The following FOCAD variants were observed in gnomAD, a reference collection of about 807,000 sequenced individuals.
FOCAD encodes focadhesin.
Under a neutral mutation model 225.6 loss-of-function variants are expected in FOCAD, and 198 were observed. The observed-to-expected ratio is 0.88, with a 90% CI of 0.78 to 0.99. FOCAD has a LOEUF of 0.99. FOCAD is among the 50% of genes least tolerant of loss of function. The pLI is 0.00. For synonymous variants in FOCAD, 897 were observed against 755.0 expected, an observed-to-expected ratio of 1.19 and a Z score of -3.08; for missense variants, 2,713 against 2,123.6, an observed-to-expected ratio of 1.28 and a Z score of -5.46.
At position 20,944,715 on chromosome 9, in the gene FOCAD, C is replaced by A; in HGVS notation, c.3496C>A (p.Leu1166Ile). ...MQSRVHVAAL[L>I]RKLSAHVDDS... Reference sequence around the variant, plus strand: ...GTCCCGCGTTCACGTAGCAGCATTGCTCCGGAAGCTGTCTGCGCACGTAGA... The same window carrying A: ...GTCCCGCGTTCACGTAGCAGCATTGATCCGGAAGCTGTCTGCGCACGTAGA... The change falls in exon 29 of 44, where the codon CTC becomes ATC. Residue 1166 changes from leucine to isoleucine, a missense_variant. Transcript: ENST00000338382. 6.2e-7 allele frequency: 1 copy of A among 1,614,066 alleles called. No individual in the cohort carries two copies. Among genetic ancestry groups the A allele is most frequent in the Non-Finnish European group, 8.5e-7 (1 of 1,179,970 alleles).
intron 11 of FOCAD, among the ~76,000 whole-genome samples, chr9:20,812,092 G>A (rs1038872069): frequency 2.0e-5 from 3 of 152,042 alleles, no homozygotes; most frequent in Admixed American, 1.3e-4. Flanking sequence ...CTAAGGCTAT[G>A]AGTAAAATGT....
At chr9:20,851,880 T>A (rs1827694312) in intron 15 of FOCAD, among the ~76,000 whole-genome samples, 1 of 151,838 alleles carries the variant, frequency 6.6e-6, no homozygotes, top group Admixed American at 6.6e-5. Context: ...ACAACCATGC[T>A]CATTTGTTTA....
rs549508345 is a variant in FOCAD, at chr9:20,936,645, G to A, written c.3407+3542G>A. Among the ~76,000 whole-genome samples the A allele has an allele frequency of 3.4e-3, 519 of 152,216 alleles. 3 individuals are homozygous for A. The highest frequency in any genetic ancestry group is 0.012 in the African/African-American group (496 of 41,522). On this transcript the variant is annotated intron_variant, in intron 28 of 43. Transcript: ENST00000338382. ...AGATCGAGACTGTCCTGGTTAACAC[G>A]GTGAAACCCTGTCTCTACTAAAAAT... is the stretch of plus-strand genomic sequence containing the variant.
chr9:20,948,748 G>T, intron 31 of FOCAD, 103 bp from the exon 32 acceptor site: 1 of 1,245,010 alleles, frequency 8.0e-7, no homozygotes, highest in Non-Finnish European at 1.2e-6. Flanking sequence ...CTATAAGTTT[G>T]GTACCAATTC....
In FOCAD at chr9:20,692,209, CT is replaced by C. The variant is rs533872955; in HGVS notation, c.-33+7922del. 1.8e-3 allele frequency among the ~76,000 whole-genome samples: 270 copies of C among 152,134 alleles called. 1 individual carries two copies. The highest frequency in any genetic ancestry group is 5.0e-3 in the African/African-American group (206 of 41,500). Reference sequence around the variant, plus strand: ...ATTTCAAACTAAACTCTGAAATTTCCTTTTTTACCTATAATCTTTCCTATTT... The same window carrying C: ...ATTTCAAACTAAACTCTGAAATTTCCTTTTTACCTATAATCTTTCCTATTT... On this transcript the variant is annotated intron_variant, in intron 1 of 43. Transcript: ENST00000338382.
chr9:20,931,325 C>T (rs1343042167), intron 27 of FOCAD, among the ~76,000 whole-genome samples: 3 of 152,102 alleles, frequency 2.0e-5, no homozygotes, highest in South Asian at 2.1e-4. Context: ...TTTGCCCTAA[C>T]GTTCCTGTGT....
chr9:20,813,002 T>G (rs1363437249), intron 11 of FOCAD, among the ~76,000 whole-genome samples: 2 of 152,078 alleles, frequency 1.3e-5, no homozygotes, highest in African/African-American at 4.8e-5. Context: ...AACTCTATAC[T>G]CATTGAACAG....
intron 1 of FOCAD, among the ~76,000 whole-genome samples, chr9:20,701,090 T>C (rs1823905375): frequency 6.6e-6 from 1 of 152,190 alleles, no homozygotes; most frequent in South Asian, 2.1e-4. Context: ...CTCTCAGAGC[T>C]GGAAGGGACA....
In FOCAD at chr9:20,789,477, C is replaced by G; in HGVS notation, c.1324C>G (p.Leu442Val). 6.2e-7 allele frequency: 1 copy of G among 1,613,970 alleles called. No homozygotes were observed. Among genetic ancestry groups the G allele is most frequent in the Non-Finnish European group, 8.5e-7 (1 of 1,179,980 alleles). ...CTGGTTGGCTTCAGTAGAGTCATTG[C>G]TTCCTATTACTGCTGTGATCCCTGC... ...SDWLASVESL[L>V]PITAVIPAPA... Residue 442 changes from leucine to valine, a missense_variant, in exon 11 of 44, where the codon CTT (leucine) becomes GTT (valine). Coordinates refer to ENST00000338382, the MANE Select transcript of FOCAD (RefSeq NM_001375567.1).
At chr9:20,904,795 A>C (rs1360558934) in intron 21 of FOCAD, among the ~76,000 whole-genome samples, 1 of 151,994 alleles carries the variant, frequency 6.6e-6, no homozygotes, top group Non-Finnish European at 1.5e-5. Flanking sequence ...ATTTGAACTT[A>C]TTTTGTTGAT....
chr9:20,995,539 A>G lies in FOCAD; in HGVS notation c.5333-17A>G, dbSNP rs376282548. 1.4e-5 allele frequency: 22 copies of G among 1,607,784 alleles called. No individual in the cohort carries two copies. The African/African-American group carries it at 2.1e-4, about 16-fold the overall frequency. On this transcript the variant is annotated splice_polypyrimidine_tract_variant and intron_variant, in intron 43 of 43. Transcript: ENST00000338382. The stretch of plus-strand genomic sequence containing the variant: ...GACCTTTTCAAATGCAGCCATACCT[A>G]TATTTTGTCCCCTTAGCCACCCTGC...
rs138554215 is a variant in FOCAD at position 20,716,633 on chromosome 9, T to C, written c.58-1161T>C. On this transcript the variant is annotated intron_variant, in intron 2 of 43. Coordinates refer to ENST00000338382, the MANE Select transcript of FOCAD (RefSeq NM_001375567.1). ...TATTAGTTTTATTAGGTTCTTGTGA[T>C]TGTGTCCTGTCCTTTGCAAATATTT... Among the ~76,000 whole-genome samples the C allele has an allele frequency of 6.6e-5, 10 of 152,318 alleles. No homozygotes were observed. In the East Asian group the frequency reaches 1.9e-3, roughly 29 times the overall value.
chr9:20,773,660 C>T (rs1455105710), intron 8 of FOCAD, among the ~76,000 whole-genome samples: 1 of 152,166 alleles, frequency 6.6e-6, no homozygotes, highest in African/African-American at 2.4e-5. Context: ...GTTTTGTCAT[C>T]TCAGTGTGTA....
intron 11 of FOCAD, among the ~76,000 whole-genome samples, chr9:20,810,633 G>A (rs1248753937): frequency 6.6e-6 from 1 of 151,826 alleles, no homozygotes; most frequent in East Asian, 1.9e-4. Flanking sequence ...TTTTTTCCCT[G>A]CTGGTAGTTA....
Position 20,790,937 on chromosome 9 carries a change from G to C in FOCAD, c.1455+1329G>C, listed in dbSNP as rs533424077. On this transcript the variant is annotated intron_variant, in intron 11 of 43. Transcript: ENST00000338382. ...CTGTTCTGATTCTGCAAGTGGATCT[G>C]TAATGTACTCAAAATACTTTTGTTT... 2.6e-5 allele frequency among the ~76,000 whole-genome samples: 4 copies of C among 152,250 alleles called. No individual in the cohort carries two copies. In the East Asian group the frequency reaches 7.7e-4, roughly 29 times the overall value.
chr9:20,879,268 A>G lies in FOCAD; in HGVS notation c.2318-2603A>G, dbSNP rs75807289. Among the ~76,000 whole-genome samples the G allele has an allele frequency of 5.9e-3, 900 of 152,320 alleles. 8 individuals carry two copies. Among genetic ancestry groups the G allele is most frequent in the Non-Finnish European group, 0.01 (709 of 68,026 alleles). ...AACAGATGCAACTATCCTGTGTACA[A>G]CTGAAAATGCACTAATTCCCTCCCC... On this transcript the variant is annotated intron_variant, in intron 19 of 43. Coordinates refer to ENST00000338382, the MANE Select transcript of FOCAD (RefSeq NM_001375567.1).
rs368959709 is a variant in FOCAD, at chr9:20,732,591, G to GA, written c.288-7643dup. Among the ~76,000 whole-genome samples the GA allele has an allele frequency of 6.0e-3, 921 of 152,254 alleles. 10 individuals are homozygous for GA. The highest frequency in any genetic ancestry group is 0.021 in the African/African-American group (878 of 41,542). On this transcript the variant is annotated intron_variant, in intron 4 of 43. Coordinates refer to ENST00000338382, the MANE Select transcript of FOCAD (RefSeq NM_001375567.1). ...ATCCTGGGTGGAGAAGGAATGTACT[G>GA]AAGTGTTTTATCTAGCGGGTGTTAG...
chr9:20,878,630 G>A (rs1587483859), intron 19 of FOCAD, among the ~76,000 whole-genome samples: 1 of 152,240 alleles, frequency 6.6e-6, no homozygotes. Flanking sequence ...ATCTATTTTA[G>A]TCACATTTCT....
intron 21 of FOCAD, among the ~76,000 whole-genome samples, chr9:20,890,928 A>G (rs1831558389): frequency 6.6e-6 from 1 of 152,022 alleles, no homozygotes; most frequent in Non-Finnish European, 1.5e-5. Flanking sequence ...CACTTTGCAG[A>G]TACTGCATTT....
Sources: gnomAD v4.1 joint callset for allele counts (sites outside exome capture counted in the v4.1 genomes callset) on GRCh38, gnomAD v4.1.1 for gene constraint, MANE v1.5 for transcripts, NCBI Gene and HGNC (gene_info 2026-07-23, HGNC 2026-07-21) for gene names.